The following PCDHGA5 variants were observed in gnomAD, a reference collection of about 807,000 sequenced individuals.
The protein encoded by PCDHGA5 is protocadherin gamma subfamily A, 5.
A neutral mutation model predicts 56.7 loss-of-function variants in PCDHGA5; 36 were observed. That is an observed-to-expected ratio of 0.64 (90% confidence interval 0.49 to 0.84). PCDHGA5 has a LOEUF of 0.84. Ranked by LOEUF, PCDHGA5 falls within the 40% of genes least tolerant of loss-of-function variation. The pLI, the probability that PCDHGA5 is intolerant of heterozygous loss-of-function variation, is 0.00. For synonymous variants in PCDHGA5, 563 were observed against 520.2 expected (o/e 1.08, Z -1.12); for missense variants, 1,305 against 1,201.5 (o/e 1.09, Z -1.27).
chr5:141,386,594 C>T (rs573192677), intron 1 of PCDHGA5, among the ~76,000 whole-genome samples: 2 of 151,204 alleles, frequency 1.3e-5, no homozygotes, highest in Non-Finnish European at 2.9e-5. Flanking sequence ...GTGGGGGATA[C>T]ATTTTTTTTT....
At chr5:141,375,730 C>T in intron 1 of PCDHGA5, 3 of 1,614,266 alleles carry the variant, frequency 1.9e-6, no homozygotes, top group Non-Finnish European at 2.5e-6. Context: ...TGTCACTGAG[C>T]CTGTTTGTGC....
rs528252306 is a variant in PCDHGA5 at position 141,372,422 on chromosome 5, C to G, written c.2421+5671C>G. On this transcript the variant is annotated intron_variant, in intron 1 of 3. Coordinates refer to ENST00000518069, the MANE Select transcript of PCDHGA5 (RefSeq NM_018918.3). ...TGCAAGAGATACAACCTGACCTTAG[C>G]GACCGCCCCACTCCCTCTGACCCTC... The G allele has an allele frequency of 2.2e-5, 36 of 1,614,042 alleles. 2 individuals carry two copies. The South Asian group carries it at 3.7e-4, about 17-fold the overall frequency.
intron 2 of PCDHGA5, 141 bp downstream of exon 2, chr5:141,495,006 G>A (rs1030195663): frequency 1.3e-6 from 2 of 1,521,564 alleles, no homozygotes; most frequent in Non-Finnish European, 1.8e-6. Flanking sequence ...CTTGGTGTGC[G>A]GGGGGCTGGC....
intron 2 of PCDHGA5, among the ~76,000 whole-genome samples, chr5:141,503,365 G>A (rs2099819492): frequency 6.6e-6 from 1 of 152,020 alleles, no homozygotes; most frequent in East Asian, 1.9e-4. Flanking sequence ...GGGAAGCGGA[G>A]GCAGGTGGAT....
At chr5:141,440,770 G>A (rs2098199385) in intron 1 of PCDHGA5, 1 of 152,176 alleles carries the variant, frequency 6.6e-6, no homozygotes, top group African/African-American at 2.4e-5. Flanking sequence ...CCATCCCTTA[G>A]TGCTAGCAGC....
intron 1 of PCDHGA5, chr5:141,400,024 G>C (rs2093943300): frequency 6.2e-7 from 1 of 1,612,894 alleles, no homozygotes; most frequent in Non-Finnish European, 8.5e-7. Flanking sequence ...CGACAGGGAC[G>C]CGGCCCGCCA....
rs1393235114 is a variant in PCDHGA5, at chr5:141,476,581, G to T, written c.2422-18226G>T. ...CCGTGGCTCCGGGGACGCGCTTTCC[G>T]CTCGAGAGCGCGCACGATCCCGATG... On this transcript the variant is annotated intron_variant, in intron 1 of 3. Transcript: ENST00000518069. This position sits in a 1 kb window ranked among gnomAD's most constrained non-coding sequence, Gnocchi z 7.6. 8.7e-6 allele frequency: 14 copies of T among 1,614,112 alleles called. No homozygotes were observed. The Admixed American group carries it at 2.2e-4, about 25-fold the overall frequency.
rs1179156267 is a variant in PCDHGA5 at position 141,365,052 on chromosome 5, T to G, written c.722T>G (p.Leu241Arg). 1.2e-6 allele frequency: 2 copies of G among 1,613,872 alleles called. No individual in the cohort carries two copies. Among genetic ancestry groups the G allele is most frequent in the Admixed American group, 1.7e-5 (1 of 60,024 alleles). The change falls in exon 1 of 4, where the codon CTG (leucine) becomes CGG (arginine). Residue 241 changes from leucine (L) to arginine (R), a missense_variant. Leu to Arg is a moderately radical substitution (Grantham distance 102). Transcript: ENST00000518069. The part of the protein sequence containing the change: ...TVLDANDNAP[L>R]FTPSEYSVSV... ...CTCGACGCAAACGACAATGCGCCCCTGTTCACCCCATCCGAGTACAGCGTG... is the reference window on the plus strand; with the variant it reads ...CTCGACGCAAACGACAATGCGCCCCGGTTCACCCCATCCGAGTACAGCGTG...
intron 1 of PCDHGA5, chr5:141,413,736 G>C: frequency 6.2e-7 from 1 of 1,613,452 alleles, no homozygotes; most frequent in South Asian, 1.1e-5. Context: ...TAAGAGTTCA[G>C]AGCCGTGCCA....
At chr5:141,461,501 T>G (rs113852528) in intron 1 of PCDHGA5, among the ~76,000 whole-genome samples, 1 of 152,310 alleles carries the variant, frequency 6.6e-6, no homozygotes, top group South Asian at 2.1e-4. Flanking sequence ...TTATTTTTCT[T>G]GGTGATTTGT....
chr5:141,419,325 ACT>A (rs1329600066), intron 1 of PCDHGA5: 33 of 1,613,586 alleles, frequency 2.0e-5, no homozygotes, highest in Non-Finnish European at 2.6e-5. Flanking sequence ...CGTGTCTCCT[ACT>A]CTCTCATTGC....
intron 1 of PCDHGA5, chr5:141,397,991 C>T (rs960718940): frequency 1.5e-6 from 2 of 1,340,100 alleles, no homozygotes; most frequent in African/African-American, 3.0e-5. Context: ...TACACCGCTT[C>T]CTCCTCGGAA....
chr5:141,473,665 T>C (rs1054239218), intron 1 of PCDHGA5, among the ~76,000 whole-genome samples: 1 of 152,142 alleles, frequency 6.6e-6, no homozygotes, highest in Non-Finnish European at 1.5e-5. Context: ...GTGAAGGCCC[T>C]GAGACAGGGA....
Position 141,486,087 on chromosome 5 carries a change from T to G in PCDHGA5, c.2422-8720T>G. 4 of 1,614,176 alleles carry G rather than the reference T, an allele frequency of 2.5e-6. No individual in the cohort carries two copies. The highest frequency in any genetic ancestry group is 3.4e-6 in the Non-Finnish European group (4 of 1,180,028). ...CCCACTACTGGAAAGCTTACTCTTT[T>G]GGGGCCCCTAGACTTTGAGAGTGAG... On this transcript the variant is annotated intron_variant, in intron 1 of 3. Coordinates refer to ENST00000518069, the MANE Select transcript of PCDHGA5 (RefSeq NM_018918.3). This position sits in a 1 kb window ranked among gnomAD's most constrained non-coding sequence, Gnocchi z 5.0.
chr5:141,374,574 T>C, intron 1 of PCDHGA5: 1 of 1,613,746 alleles, frequency 6.2e-7, no homozygotes, highest in Non-Finnish European at 8.5e-7. Flanking sequence ...GATGTGGGAA[T>C]GAACTCCCTT....
At chr5:141,378,114 A>T (rs1024564517) in intron 1 of PCDHGA5, 1 of 152,284 alleles carries the variant, frequency 6.6e-6, no homozygotes, top group African/African-American at 2.4e-5. Flanking sequence ...CAGCATAGTG[A>T]ACACGTATTT....
At chr5:141,419,431 G>A in intron 1 of PCDHGA5, 2 of 1,613,306 alleles carry the variant, frequency 1.2e-6, no homozygotes. Context: ...ACCACGAGCA[G>A]CTGCGCACCT....
chr5:141,370,306 C>T (rs1766802284), intron 1 of PCDHGA5: 1 of 1,215,888 alleles, frequency 8.2e-7, no homozygotes, highest in Non-Finnish European at 1.1e-6. Context: ...AAAGACAAAG[C>T]AAATAGTTGG....
At chr5:141,409,227 A>G (rs2095244126) in intron 1 of PCDHGA5, 1 of 1,613,922 alleles carries the variant, frequency 6.2e-7, no homozygotes, top group African/African-American at 1.3e-5. Flanking sequence ...GATGAAAACG[A>G]CAACAGCCCA....
Sources: allele counts gnomAD v4.1 joint callset (sites outside exome capture counted in the v4.1 genomes callset), GRCh38; gene constraint gnomAD v4.1.1; non-coding constraint Gnocchi (gnomAD v3.1); transcripts MANE v1.5; gene names NCBI Gene and HGNC (gene_info 2026-07-23, HGNC 2026-07-21).